The following CARD14 variants were observed in gnomAD, a reference collection of about 807,000 sequenced individuals.
CARD14 encodes caspase recruitment domain-containing protein 14.
Under a neutral mutation model 111.5 loss-of-function variants are expected in CARD14, and 107 were observed. The observed-to-expected ratio is 0.96, with a 90% confidence interval of 0.82 to 1.13. The LOEUF (loss-of-function observed/expected upper bound fraction) is 1.13, where lower values mean the gene tolerates loss of function less well. Ranked by LOEUF, CARD14 falls within the 50% of genes most tolerant of loss-of-function variation. The pLI is 0.00. For missense variants in CARD14, 1,322 were observed against 1,362.3 expected, an observed-to-expected ratio of 0.97 and a Z score of 0.47; for synonymous variants, 617 against 579.6, an observed-to-expected ratio of 1.06 and a Z score of -0.93.
In CARD14 at chr17:80,201,967, C is replaced by T. The variant is rs1413132517; in HGVS notation, c.1978+97C>T. On this transcript the variant is annotated intron_variant, in intron 17 of 23. Coordinates refer to ENST00000648509, the MANE Select transcript of CARD14 (RefSeq NM_001366385.1). The surrounding 1 kb of genome is among the most constrained non-coding windows in gnomAD (Gnocchi z 5.0). ...CTTCTGCACGCCCAGCAGCCAGGGA[C>T]CCCCAGAGCCAAGAGAGGATCAGCC... 1 of 1,451,028 alleles carries T rather than the reference C, an allele frequency of 6.9e-7. No homozygotes were observed. The highest frequency in any genetic ancestry group is 1.4e-5 in the African/African-American group (1 of 70,774). The allele number at this position is 1,451,028 out of a possible 1,614,324, so 89.9% of individuals were successfully genotyped here. A position where few individuals can be genotyped will look rare whatever the true frequency, so the allele number is the denominator to read the frequency against.
rs34932999 is a variant in CARD14 at position 80,197,532 on chromosome 17, CA to C, written c.1595-553del. On this transcript the variant is annotated intron_variant, in intron 14 of 23. Transcript: ENST00000648509. ...TGGGCGACAGAGTGAGACTCTGTCT[CA>C]AAAAAAAAAAAAAGAAAGAAAGAAA... 5.7e-3 allele frequency: 557 copies of C among 97,542 alleles called. 1 individual carries two copies. The highest frequency in any genetic ancestry group is 0.012 in the African/African-American group (310 of 25,958). The allele number at this position is 97,542 out of a possible 1,614,324, so 6.0% of individuals were successfully genotyped here.
chr17:80,206,230 C>T (rs8068719), intron 22 of CARD14, among the ~76,000 whole-genome samples: 6 of 152,000 alleles, frequency 3.9e-5, no homozygotes, highest in Admixed American at 1.3e-4. Context: ...TTTGGGAACC[C>T]GAGGTGGGAG....
intron 9 of CARD14, 131 bp from the exon 10 acceptor site, chr17:80,190,643 G>A (rs1408035035): frequency 4.8e-6 from 4 of 831,888 alleles, no homozygotes; most frequent in Non-Finnish European, 7.0e-6. Context: ...AGAGAGAGAC[G>A]AGTGAGAATT....
In CARD14 at chr17:80,201,793, C is replaced by T. The variant is rs141847758; in HGVS notation, c.1901C>T (p.Thr634Met). ...EPLFKAVLED[T>M]TLEEAVGLLR... is the part of the protein sequence containing the mutation. ...TTGTTCAAGGCAGTCCTGGAGGACA[C>T]GACCCTGGAGGAGGCCGTGGGGCTT... The change falls in exon 17 of 24, where the codon ACG becomes ATG. Residue 634 changes from threonine to methionine, a missense_variant. Physicochemically the swap from Thr to Met is moderately conservative, Grantham distance 81. Coordinates refer to ENST00000648509, the MANE Select transcript of CARD14 (RefSeq NM_001366385.1). This position sits in a 1 kb window ranked among gnomAD's most constrained non-coding sequence, Gnocchi z 5.0. 67 of 1,613,842 alleles carry T rather than the reference C, an allele frequency of 4.2e-5. No homozygotes were observed. The African/African-American group carries it at 6.7e-4, about 16-fold the overall frequency.
intron 6 of CARD14, 87 bp from the exon 7 acceptor site, chr17:80,183,826 G>T (rs2040250472): frequency 1.1e-5 from 12 of 1,119,628 alleles, no homozygotes; most frequent in Non-Finnish European, 1.3e-5. Context: ...ATGCTCACCT[G>T]CCCACCTGCT....
At chr17:80,197,707 T>A (rs2040767104) in intron 14 of CARD14, among the ~76,000 whole-genome samples, 1 of 152,214 alleles carries the variant, frequency 6.6e-6, no homozygotes, top group Non-Finnish European at 1.5e-5. Flanking sequence ...TTTTTTCAAG[T>A]GAAGCCAGAA....
At position 80,198,280 on chromosome 17, in the gene CARD14, G is replaced by A; in HGVS notation, c.1658+118G>A. 3 of 1,564,484 alleles carry A rather than the reference G, an allele frequency of 1.9e-6. No individual in the cohort carries two copies. Among genetic ancestry groups the A allele is most frequent in the East Asian group, 2.3e-5 (1 of 44,176 alleles). ...GGCAACAGCCTTTCCAAGCACATGG[G>A]GCCATGGAGGGGGAGGAGAATTCCA... On this transcript the variant is annotated intron_variant, in intron 15 of 23. Coordinates refer to ENST00000648509, the MANE Select transcript of CARD14 (RefSeq NM_001366385.1). This position sits in a 1 kb window ranked among gnomAD's most constrained non-coding sequence, Gnocchi z 7.5.
In CARD14 at chr17:80,202,180, G is replaced by A. The variant is rs1238031435; in HGVS notation, c.1979G>A (p.Gly660Asp). 1 of 1,613,002 alleles carries A rather than the reference G, an allele frequency of 6.2e-7. No homozygotes were observed. Among genetic ancestry groups the A allele is most frequent in the Admixed American group, 1.7e-5 (1 of 59,988 alleles). ...TGTGGCTCATGTCCCCTTTTATCAG[G>A]TTATAAGAGGCTACTCCAGGACCTG... ...CCLSVKVNTD[G>D]YKRLLQDLEA... Residue 660 changes from glycine (G) to aspartate (D), a missense_variant and splice_region_variant, in exon 18 of 24, where the codon GGT becomes GAT. Physicochemically the swap from Gly to Asp is moderately conservative, Grantham distance 94. Coordinates refer to ENST00000648509, the MANE Select transcript of CARD14 (RefSeq NM_001366385.1).
chr17:80,205,385 G>A, intron 21 of CARD14, 146 bp from the exon 22 acceptor site: 1 of 1,230,190 alleles, frequency 8.1e-7, no homozygotes, highest in Non-Finnish European at 1.1e-6. Flanking sequence ...AGCGGGGTGT[G>A]CAGGGTCAGG....
At chr17:80,200,049 G>A (rs1042050559) in intron 16 of CARD14, among the ~76,000 whole-genome samples, 8 of 151,796 alleles carry the variant, frequency 5.3e-5, no homozygotes, top group South Asian at 2.1e-4. Context: ...GCACAGAGGC[G>A]GGGAGAGGAT....
At chr17:80,190,630 G>T in intron 9 of CARD14, 144 bp from the exon 10 acceptor site, 13 of 624,666 alleles carry the variant, frequency 2.1e-5, no homozygotes, top group Non-Finnish European at 3.1e-5. Context: ...AAAAAAAAAA[G>T]AGAGAGAGAG....
intron 7 of CARD14, among the ~76,000 whole-genome samples, chr17:80,185,503 C>T (rs887025871): frequency 2.6e-5 from 4 of 152,198 alleles, no homozygotes; most frequent in African/African-American, 9.7e-5. Context: ...TACTTTTACT[C>T]TCTCGTGGCC....
rs1051608633 is a variant in CARD14, at chr17:80,188,232, C to T, written c.676-145C>T. The T allele has an allele frequency of 2.2e-5, 18 of 802,290 alleles. No individual in the cohort carries two copies. The East Asian group carries it at 5.8e-4, about 26-fold the overall frequency. The allele number at this position is 802,290 out of a possible 1,614,324, so 49.7% of individuals were successfully genotyped here. On this transcript the variant is annotated intron_variant, in intron 7 of 23. Coordinates refer to ENST00000648509, the MANE Select transcript of CARD14 (RefSeq NM_001366385.1). The surrounding 1 kb of genome is among the most constrained non-coding windows in gnomAD (Gnocchi z 4.5). ...ATTTGGGACTATTCATTAGGTGAAC[C>T]CTTTCGTGGGTTTTTCAGTCTCGAG... is the stretch of plus-strand genomic sequence containing the variant.
intron 2 of CARD14, among the ~76,000 whole-genome samples, chr17:80,175,394 C>G (rs1322571608): frequency 6.6e-6 from 1 of 152,144 alleles, no homozygotes; most frequent in Non-Finnish European, 1.5e-5. Flanking sequence ...GTTCATTTCA[C>G]CAGGAGCTGG....
Position 80,205,100 on chromosome 17 carries a change from C to A in CARD14, c.2464C>A (p.His822Asn). 1 of 1,613,540 alleles carries A rather than the reference C, an allele frequency of 6.2e-7. No individual in the cohort carries two copies. ...GGTGCCCTATACCCTGGTGCGGCCCCATCGACCCGCCCGGCCCCGGCCTGT... is the reference window on the plus strand; with the variant it reads ...GGTGCCCTATACCCTGGTGCGGCCCAATCGACCCGCCCGGCCCCGGCCTGT... ...TLVPYTLVRP[H>N]RPARPRPVLL... Residue 822 changes from histidine (H) to asparagine (N), a missense_variant, in exon 21 of 24, where the codon CAT (histidine) becomes AAT (asparagine). Physicochemically the swap from His to Asn is moderately conservative, Grantham distance 68. Transcript: ENST00000648509.
intron 20 of CARD14, chr17:80,204,684 G>A: frequency 2.6e-6 from 1 of 381,224 alleles, no homozygotes; most frequent in Non-Finnish European, 4.7e-6. Context: ...AGGACCCTGT[G>A]CCCTGGAGGA....
At position 80,182,767 on chromosome 17, in the gene CARD14, A is replaced by T. The variant is rs1014252436; in HGVS notation, c.326A>T (p.Asp109Val). 19 of 1,614,046 alleles carry T rather than the reference A, an allele frequency of 1.2e-5. No homozygotes were observed. The highest frequency in any genetic ancestry group is 1.5e-5 in the Non-Finnish European group (18 of 1,180,012). ...VYTLVTGLQP[D>V]VDFSNFSGLM... ...ACCCTGGTCACCGGGCTGCAGCCTG[A>T]TGTTGACTTCAGTAACTTTAGCGGT... Residue 109 changes from aspartate to valine, a missense_variant, in exon 6 of 24, where the codon GAT becomes GTT. By Grantham distance (152) the Asp-to-Val change is radical. Transcript: ENST00000648509. This position sits in a 1 kb window ranked among gnomAD's most constrained non-coding sequence, Gnocchi z 4.7.
In CARD14 at chr17:80,172,872, C is replaced by CTTTTTTTTTTTTTTTTTTTTTTTTTTT. The variant is rs55912754; in HGVS notation, c.-689-8_-689-7insTTTTTTTTTTTTTTTTTTTTTTTTTTT. The stretch of plus-strand genomic sequence containing the variant: ...CCCATACTTGCTTATTCTAAACATT[C>CTTTTTTTTTTTTTTTTTTTTTTTTTTT]TTTTTTTTTTTTTTTTTTTTTTTTT... On this transcript the variant is annotated intron_variant, in intron 1 of 23. Coordinates refer to ENST00000648509, the MANE Select transcript of CARD14 (RefSeq NM_001366385.1). 9.9e-4 allele frequency: 70 copies of CTTTTTTTTTTTTTTTTTTTTTTTTTTT among 70,792 alleles called. 17 individuals are homozygous for CTTTTTTTTTTTTTTTTTTTTTTTTTTT. The highest frequency in any genetic ancestry group is 0.01 in the Middle Eastern group (1 of 98). 4.4% of individuals were successfully genotyped at this position (70,792 alleles called of 1,614,324 possible).
chr17:80,180,780 C>T (rs938493104), intron 4 of CARD14, among the ~76,000 whole-genome samples: 13 of 150,846 alleles, frequency 8.6e-5, no homozygotes, highest in Admixed American at 2.6e-4. Context: ...GTTTGTTTAC[C>T]GGGACAGGGT....
Sources: gnomAD v4.1 joint callset for allele counts (sites outside exome capture counted in the v4.1 genomes callset) on GRCh38, gnomAD v4.1.1 for gene constraint, Gnocchi (gnomAD v3.1) non-coding constraint, MANE v1.5 for transcripts, NCBI Gene and HGNC (gene_info 2026-07-23, HGNC 2026-07-21) for gene names.